The following SLC7A6OS variants were observed in gnomAD, a reference collection of about 807,000 sequenced individuals.
SLC7A6OS encodes probable RNA polymerase II nuclear localization protein SLC7A6OS.
A neutral mutation model predicts 34.3 loss-of-function variants in SLC7A6OS; 22 were observed. The ratio of observed to expected loss-of-function variants is 0.64; its 90% CI spans 0.46 to 0.92. The LOEUF is 0.92. Among genes scored for constraint, SLC7A6OS ranks in the 40% least tolerant of loss-of-function variants. The pLI, the probability that SLC7A6OS is intolerant of heterozygous loss-of-function variation, is 0.00. For synonymous variants in SLC7A6OS, 199 were observed against 165.0 expected (o/e 1.21, Z -1.58); for missense variants, 434 against 407.7 (o/e 1.06, Z -0.56).
Position 68,299,771 on chromosome 16 carries a change from C to A in SLC7A6OS, c.*1504G>T, listed in dbSNP as rs2043237067. 6.6e-6 allele frequency: 1 copy of A among 152,142 alleles called. No homozygotes were observed. Among genetic ancestry groups the A allele is most frequent in the Admixed American group, 6.5e-5 (1 of 15,278 alleles). The allele number at this position is 152,142 out of a possible 1,614,324, so 9.4% of individuals were successfully genotyped here. ...AGCAAGATGTCTAATATTAGACATA[C>A]AAGTTGCTGCCTGTTATAACGGTGA... is the stretch of plus-strand genomic sequence containing the variant. On this transcript the variant is annotated 3_prime_UTR_variant, in exon 5 of 5. Transcript: ENST00000263997.
chr16:68,300,802 C>G lies in SLC7A6OS; in HGVS notation c.*473G>C. 1 of 985,720 alleles carries G rather than the reference C, an allele frequency of 1.0e-6. No individual in the cohort carries two copies. The highest frequency in any genetic ancestry group is 1.2e-6 in the Non-Finnish European group (1 of 830,166). 61.1% of individuals were successfully genotyped at this position (985,720 alleles called of 1,614,324 possible). On this transcript the variant is annotated 3_prime_UTR_variant, in exon 5 of 5. Coordinates refer to ENST00000263997, the MANE Select transcript of SLC7A6OS (RefSeq NM_032178.3). ...TTTCTGCCCTAATGGCCATTACTATCCAGTCTGTATTGCTACAAGGGACCC... is the reference window on the plus strand; with the variant it reads ...TTTCTGCCCTAATGGCCATTACTATGCAGTCTGTATTGCTACAAGGGACCC...
Position 68,301,393 on chromosome 16 carries a change from T to A in SLC7A6OS, c.812A>T (p.Tyr271Phe). Reference protein sequence around the residue: ...GDEDSRGSADYNSLSEEERGS... With the variant: ...GDEDSRGSADFNSLSEEERGS... ...TCTTTCCTCCTCACTCAGGCTGTTG[T>A]AGTCAGCAGAGCCTAGAATGACATC... Residue 271 changes from tyrosine (Y) to phenylalanine (F), a missense_variant, in exon 5 of 5, where the codon TAC (tyrosine) becomes TTC (phenylalanine). Tyr to Phe is a conservative substitution (Grantham distance 22, BLOSUM62 3). Coordinates refer to ENST00000263997, the MANE Select transcript of SLC7A6OS (RefSeq NM_032178.3). 1 of 1,614,040 alleles carries A rather than the reference T, an allele frequency of 6.2e-7. No homozygotes were observed. Among genetic ancestry groups the A allele is most frequent in the Non-Finnish European group, 8.5e-7 (1 of 1,179,934 alleles).
At chr16:68,303,498 G>A (rs2151239659) in intron 3 of SLC7A6OS, among the ~76,000 whole-genome samples, 1 of 151,488 alleles carries the variant, frequency 6.6e-6, no homozygotes, top group East Asian at 2.0e-4. Context: ...TAGGAGGATT[G>A]CTTGAGCCTG....
At position 68,300,741 on chromosome 16, in the gene SLC7A6OS, T is replaced by C. The variant is rs781514809; in HGVS notation, c.*534A>G. 7.1e-6 allele frequency: 7 copies of C among 985,446 alleles called. No individual in the cohort carries two copies. Among genetic ancestry groups the C allele is most frequent in the Non-Finnish European group, 8.4e-6 (7 of 829,950 alleles). The allele number at this position is 985,446 out of a possible 1,614,324, so 61.0% of individuals were successfully genotyped here. A position where few individuals can be genotyped will look rare whatever the true frequency, so the allele number is the denominator to read the frequency against. On this transcript the variant is annotated 3_prime_UTR_variant, in exon 5 of 5. Transcript: ENST00000263997. The stretch of plus-strand genomic sequence containing the variant: ...CGTTATCAGAGTTTGGAAGCAGAAA[T>C]AGCTGTTAACTAAAATCTCCCACTG...
At chr16:68,309,493 A>G (rs1054927627) in intron 2 of SLC7A6OS, among the ~76,000 whole-genome samples, 1 of 152,036 alleles carries the variant, frequency 6.6e-6, no homozygotes, top group African/African-American at 2.4e-5. Context: ...GGGCCTCCCT[A>G]CGTGCTAGGA....
rs754247021 is a variant in SLC7A6OS at position 68,310,432 on chromosome 16, G to A, written c.374C>T (p.Pro125Leu). 28 of 1,607,874 alleles carry A rather than the reference G, an allele frequency of 1.7e-5. No homozygotes were observed. The highest frequency in any genetic ancestry group is 2.2e-5 in the Non-Finnish European group (26 of 1,177,562). ...GTTCCCGGCGGCTTCTGGGTTCCCC[G>A]GCGTGTACTCGGACTCCTGGCCGCT... Reference protein sequence around the residue: ...TSSGQESEYTPGNPEAAGNSG... With the variant: ...TSSGQESEYTLGNPEAAGNSG... The change falls in exon 2 of 5, where the codon CCG becomes CTG. Residue 125 changes from proline (P) to leucine (L), a missense_variant. By Grantham distance (98) the Pro-to-Leu change is moderately conservative (BLOSUM62 -3). Coordinates refer to ENST00000263997, the MANE Select transcript of SLC7A6OS (RefSeq NM_032178.3).
intron 3 of SLC7A6OS, 137 bp from the exon 4 acceptor site, chr16:68,302,638 T>G: frequency 2.1e-6 from 2 of 932,602 alleles, no homozygotes; most frequent in Non-Finnish European, 3.4e-6. Flanking sequence ...GTAGTTTGAC[T>G]CCATTGCACA....
rs2043238219 is a variant in SLC7A6OS at position 68,299,819 on chromosome 16, G to C, written c.*1456C>G. 6.6e-6 allele frequency: 1 copy of C among 152,174 alleles called. No homozygotes were observed. The highest frequency in any genetic ancestry group is 2.4e-5 in the African/African-American group (1 of 41,418). The allele number at this position is 152,174 out of a possible 1,614,324, so 9.4% of individuals were successfully genotyped here. On this transcript the variant is annotated 3_prime_UTR_variant, in exon 5 of 5. Transcript: ENST00000263997. ...TGAATTATACCTTTGTGCATGCCTA[G>C]GATGTTTGTTGTTTTAATTAGCTGC...
At chr16:68,302,668 T>C (rs978637007) in intron 3 of SLC7A6OS, among the ~76,000 whole-genome samples, 167 bp from the exon 4 acceptor site, 2 of 152,074 alleles carry the variant, frequency 1.3e-5, no homozygotes, top group African/African-American at 4.8e-5. Flanking sequence ...GAGAGGGAGA[T>C]AATAGCCCCC....
intron 2 of SLC7A6OS, among the ~76,000 whole-genome samples, chr16:68,306,584 G>C (rs2043328312): frequency 6.6e-6 from 1 of 152,086 alleles, no homozygotes; most frequent in Non-Finnish European, 1.5e-5. Context: ...AGCCTTAGAT[G>C]ATCTTTCTGT....
chr16:68,301,084 G>C lies in SLC7A6OS; in HGVS notation c.*191C>G, dbSNP rs1323959792. 2.3e-6 allele frequency: 3 copies of C among 1,290,348 alleles called. No homozygotes were observed. Among genetic ancestry groups the C allele is most frequent in the South Asian group, 5.2e-5 (2 of 38,664 alleles). 79.9% of individuals were successfully genotyped at this position (1,290,348 alleles called of 1,614,324 possible). ...TTGATTGAGGCAAAGGGGTCCTACT[G>C]TAAGTGGAAAAGACTCACTCCCCTA... On this transcript the variant is annotated 3_prime_UTR_variant, in exon 5 of 5. Transcript: ENST00000263997.
In SLC7A6OS at chr16:68,300,641, A is replaced by G; in HGVS notation, c.*634T>C. 1 of 985,478 alleles carries G rather than the reference A, an allele frequency of 1.0e-6. No homozygotes were observed. The highest frequency in any genetic ancestry group is 1.2e-6 in the Non-Finnish European group (1 of 829,934). The allele number at this position is 985,478 out of a possible 1,614,324, so 61.0% of individuals were successfully genotyped here. A position where few individuals can be genotyped will look rare whatever the true frequency, so the allele number is the denominator to read the frequency against. ...TCCATGTTCAAAGCTAGATTTTACTAAACACATGTATCACATTCATATATA... is the reference window on the plus strand; with the variant it reads ...TCCATGTTCAAAGCTAGATTTTACTGAACACATGTATCACATTCATATATA... On this transcript the variant is annotated 3_prime_UTR_variant, in exon 5 of 5. Transcript: ENST00000263997.
chr16:68,307,666 T>C (rs367569776), intron 2 of SLC7A6OS, among the ~76,000 whole-genome samples: 9 of 152,284 alleles, frequency 5.9e-5, no homozygotes, highest in African/African-American at 1.9e-4. Flanking sequence ...ATTCCTACAA[T>C]TGTGTACGCT....
chr16:68,304,961 C>A (rs1365412014), intron 2 of SLC7A6OS, among the ~76,000 whole-genome samples: 1 of 152,044 alleles, frequency 6.6e-6, no homozygotes, highest in Admixed American at 6.6e-5. Context: ...GTTGAGGCTG[C>A]AGTGAGCCGT....
intron 2 of SLC7A6OS, among the ~76,000 whole-genome samples, chr16:68,306,344 G>C (rs1043991644): frequency 2.0e-5 from 3 of 152,040 alleles, no homozygotes; most frequent in Non-Finnish European, 4.4e-5. Context: ...TCAGCCTCCT[G>C]AGTAGCTGGG....
rs1455483751 is a variant in SLC7A6OS, at chr16:68,300,146, C to T, written c.*1129G>A. 6.6e-6 allele frequency: 1 copy of T among 152,218 alleles called. No individual in the cohort carries two copies. The highest frequency in any genetic ancestry group is 1.5e-5 in the Non-Finnish European group (1 of 68,044). The allele number at this position is 152,218 out of a possible 1,614,324, so 9.4% of individuals were successfully genotyped here. A position where few individuals can be genotyped will look rare whatever the true frequency, so the allele number is the denominator to read the frequency against. On this transcript the variant is annotated 3_prime_UTR_variant, in exon 5 of 5. Transcript: ENST00000263997. ...CCTGTGGTGTCCGCTGCAACAGCTA[C>T]TAGCCACGTGTAGCTAATTACATTA...
chr16:68,307,806 G>C (rs1356842036), intron 2 of SLC7A6OS, among the ~76,000 whole-genome samples: 1 of 152,030 alleles, frequency 6.6e-6, no homozygotes, highest in African/African-American at 2.4e-5. Flanking sequence ...AAACATTTTT[G>C]GTATGTTTAG....
At chr16:68,302,060 A>G (rs2043285715) in intron 4 of SLC7A6OS, 4 of 281,602 alleles carry the variant, frequency 1.4e-5, no homozygotes, top group Admixed American at 9.9e-5. Flanking sequence ...CATATTTTAC[A>G]TAATCTCAAC....
At chr16:68,308,554 G>T (rs1049130471) in intron 2 of SLC7A6OS, among the ~76,000 whole-genome samples, 1 of 151,820 alleles carries the variant, frequency 6.6e-6, no homozygotes, top group Admixed American at 6.6e-5. Flanking sequence ...TTGAATCCAG[G>T]AGGCAGAGGC....
Sources: allele counts gnomAD v4.1 joint callset (sites outside exome capture counted in the v4.1 genomes callset), GRCh38; gene constraint gnomAD v4.1.1; transcripts MANE v1.5; gene names NCBI Gene and HGNC (gene_info 2026-07-23, HGNC 2026-07-21).